CRADD: variants seen among roughly 807,000 people sequenced by gnomAD.
The protein encoded by CRADD is CARD and death domain containing adaptor protein.
CRADD carries 9 observed loss-of-function variants against 15.5 expected under a neutral mutation model. That is an observed-to-expected ratio of 0.58 (90% CI 0.35 to 1.01). CRADD has a LOEUF of 1.01. CRADD is among the 50% of genes least tolerant of loss of function. CRADD has a pLI of 0.02. For synonymous variants in CRADD, 118 were observed against 107.6 expected (o/e 1.10, Z -0.60); for missense variants, 227 against 250.3 (o/e 0.91, Z 0.63).
chr12:93,738,056 T>A, intron 2 of CRADD: 1 of 466,280 alleles, frequency 2.1e-6, no homozygotes, highest in African/African-American at 2.0e-5. Context: ...CATAAACAGG[T>A]CCCTTTCTAT....
At chr12:93,800,576 C>T (rs1957466368) in intron 2 of CRADD, among the ~76,000 whole-genome samples, 1 of 152,080 alleles carries the variant, frequency 6.6e-6, no homozygotes, top group East Asian at 1.9e-4. Context: ...ATGGCACTTA[C>T]TCCTGCTCTC....
chr12:93,715,854 T>C (rs544413804), intron 2 of CRADD, among the ~76,000 whole-genome samples: 2 of 152,174 alleles, frequency 1.3e-5, no homozygotes, highest in East Asian at 3.9e-4. Context: ...AGAAAAAAAT[T>C]ATTTAGGCTG....
chr12:93,773,671 C>T lies in CRADD; in HGVS notation c.299-76299C>T, dbSNP rs569098901. 3.9e-5 allele frequency among the ~76,000 whole-genome samples: 6 copies of T among 152,030 alleles called. No homozygotes were observed. The East Asian group carries it at 1.2e-3, about 29-fold the overall frequency. ...TTGTCATTTTCTAAGGCCTTGGAAC[C>T]CTCATTGAATCATCTGTCTCTGGCT... On this transcript the variant is annotated intron_variant, in intron 2 of 2. Transcript: ENST00000332896.
chr12:93,709,503 A>G (rs1447653017), intron 2 of CRADD, among the ~76,000 whole-genome samples: 1 of 152,200 alleles, frequency 6.6e-6, no homozygotes, highest in Non-Finnish European at 1.5e-5. Context: ...AAAAGTGAGA[A>G]CATGCAGTAT....
chr12:93,689,451 T>TA (rs775718477), intron 2 of CRADD, among the ~76,000 whole-genome samples: 30 of 151,542 alleles, frequency 2.0e-4, no homozygotes, highest in East Asian at 1.9e-3. Flanking sequence ...TCCCCCAGAC[T>TA]AAAAAAAAGA....
chr12:93,831,514 C>T (rs929150042), intron 2 of CRADD: 2 of 152,246 alleles, frequency 1.3e-5, no homozygotes, highest in African/African-American at 4.8e-5. Context: ...TCCTGTGCTT[C>T]GTCAGGTTAG....
chr12:93,867,830 G>T (rs183726840), intron 2 of CRADD, among the ~76,000 whole-genome samples: 89 of 152,192 alleles, frequency 5.8e-4, no homozygotes, highest in African/African-American at 2.0e-3. Context: ...GTTTTTGAGT[G>T]GGGGGCCCAG....
intron 2 of CRADD, among the ~76,000 whole-genome samples, chr12:93,777,121 C>T (rs974662462): frequency 2.0e-5 from 3 of 152,192 alleles, no homozygotes; most frequent in Non-Finnish European, 4.4e-5. Flanking sequence ...TGGTCATTCT[C>T]ACGGGCCTGT....
At chr12:93,699,212 A>T (rs1475976829) in intron 2 of CRADD, among the ~76,000 whole-genome samples, 1 of 152,202 alleles carries the variant, frequency 6.6e-6, no homozygotes, top group Non-Finnish European at 1.5e-5. Flanking sequence ...CTTCAGGGTA[A>T]ACTTTTCCTA....
intron 2 of CRADD, among the ~76,000 whole-genome samples, chr12:93,783,334 C>A (rs1452998837): frequency 6.6e-6 from 1 of 150,824 alleles, no homozygotes; most frequent in Non-Finnish European, 1.5e-5. Context: ...AAATCCAGGT[C>A]TGCCTGTGTC....
At chr12:93,727,223 A>G (rs1221302884) in intron 2 of CRADD, among the ~76,000 whole-genome samples, 1 of 152,234 alleles carries the variant, frequency 6.6e-6, no homozygotes, top group Non-Finnish European at 1.5e-5. Flanking sequence ...ATAATTGGAC[A>G]GATCCCTGTG....
chr12:93,741,312 T>G (rs2136928459), intron 2 of CRADD, among the ~76,000 whole-genome samples: 1 of 152,364 alleles, frequency 6.6e-6, no homozygotes, highest in South Asian at 2.1e-4. Context: ...CTCCCCCATC[T>G]TGTGCTCCTA....
Position 93,850,355 on chromosome 12 carries a change from T to C in CRADD, c.*84T>C, listed in dbSNP as rs1958203505. ...CTTTCACTCAGAGCAGGTGGTTTTT[T>C]GTGTAGGTTTGTTTTTTATTTTTGA... On this transcript the variant is annotated 3_prime_UTR_variant, in exon 3 of 3. Coordinates refer to ENST00000332896, the MANE Select transcript of CRADD (RefSeq NM_003805.5). The surrounding 1 kb of genome is among the most constrained non-coding windows in gnomAD (Gnocchi z 4.0). The C allele has an allele frequency of 3.4e-6, 5 of 1,474,610 alleles. No homozygotes were observed. The South Asian group carries it at 6.0e-5, about 18-fold the overall frequency. The allele number at this position is 1,474,610 out of a possible 1,614,324, so 91.3% of individuals were successfully genotyped here. A position where few individuals can be genotyped will look rare whatever the true frequency, so the allele number is the denominator to read the frequency against.
chr12:93,688,133 TAGTTGGGAAG>T (rs1345256331), intron 2 of CRADD, among the ~76,000 whole-genome samples: 2 of 152,174 alleles, frequency 1.3e-5, no homozygotes, highest in Non-Finnish European at 2.9e-5. Context: ...GACAAATGGC[TAGTTGGGAAG>T]AGTGGGACTG....
intron 2 of CRADD, among the ~76,000 whole-genome samples, chr12:93,834,712 T>C (rs1428471885): frequency 6.6e-6 from 1 of 152,254 alleles, no homozygotes; most frequent in Non-Finnish European, 1.5e-5. Context: ...AGTCTCAAGC[T>C]GCCCACCTCA....
At chr12:93,761,349 T>G (rs1956959197) in intron 2 of CRADD, among the ~76,000 whole-genome samples, 1 of 152,008 alleles carries the variant, frequency 6.6e-6, no homozygotes, top group African/African-American at 2.4e-5. Context: ...GGAGGACCAG[T>G]TAGGAGGCTC....
At chr12:93,699,443 A>T (rs1955788176) in intron 2 of CRADD, among the ~76,000 whole-genome samples, 1 of 152,216 alleles carries the variant, frequency 6.6e-6, no homozygotes, top group Non-Finnish European at 1.5e-5. Context: ...TAGTCTCAAG[A>T]TTTTTAAGTA....
chr12:93,802,175 C>G (rs1957483478), intron 2 of CRADD, among the ~76,000 whole-genome samples: 1 of 152,178 alleles, frequency 6.6e-6, no homozygotes, highest in Admixed American at 6.5e-5. Flanking sequence ...GTGTCTTTTT[C>G]ATATGACTTC....
intron 2 of CRADD, among the ~76,000 whole-genome samples, chr12:93,819,324 A>AG (rs1437706212): frequency 5.3e-5 from 8 of 152,240 alleles, no homozygotes; most frequent in African/African-American, 1.7e-4. Flanking sequence ...CTAATGAAGG[A>AG]GGGGAACATC....
Sources: allele counts gnomAD v4.1 joint callset (sites outside exome capture counted in the v4.1 genomes callset), GRCh38; gene constraint gnomAD v4.1.1; non-coding constraint Gnocchi (gnomAD v3.1); transcripts MANE v1.5; gene names NCBI Gene and HGNC (gene_info 2026-07-23, HGNC 2026-07-21).